Variants in PAICS observed in about 807,000 individuals in gnomAD.
PAICS encodes phosphoribosylaminoimidazole carboxylase and phosphoribosylaminoimidazolesuccinocarboxamide synthase, also known as bifunctional phosphoribosylaminoimidazole carboxylase/phosphoribosylaminoimidazole succinocarboxamide synthetase.
A neutral mutation model predicts 53.7 loss-of-function variants in PAICS; 33 were observed. The ratio of observed to expected loss-of-function variants is 0.61; its 90% CI spans 0.47 to 0.82. The LOEUF (loss-of-function observed/expected upper bound fraction) is 0.82, where lower values mean the gene tolerates loss of function less well. PAICS is among the 40% of genes least tolerant of loss of function. The pLI, the probability that PAICS is intolerant of heterozygous loss-of-function variation, is 0.00. For missense variants in PAICS, 394 were observed against 494.1 expected (o/e 0.80, Z 1.92); for synonymous variants, 141 against 167.2 (o/e 0.84, Z 1.21).
In PAICS at chr4:56,460,174, A is replaced by G. The variant is rs1200590771; in HGVS notation, c.*636A>G. ...AGTGCTAGGGTTACAGACATGAGCCACTGTGCCTGTCTAGACTTGTACTTT... is the reference window on the plus strand; with the variant it reads ...AGTGCTAGGGTTACAGACATGAGCCGCTGTGCCTGTCTAGACTTGTACTTT... On this transcript the variant is annotated 3_prime_UTR_variant, in exon 9 of 9. Coordinates refer to ENST00000512576, the MANE Select transcript of PAICS (RefSeq NM_001079524.2). 6.6e-6 allele frequency: 1 copy of G among 152,316 alleles called. No individual in the cohort carries two copies. Among genetic ancestry groups the G allele is most frequent in the African/African-American group, 2.4e-5 (1 of 41,418 alleles). The allele number at this position is 152,316 out of a possible 1,614,324, so 9.4% of individuals were successfully genotyped here. A position where few individuals can be genotyped will look rare whatever the true frequency, so the allele number is the denominator to read the frequency against.
Position 56,459,640 on chromosome 4 carries a change from C to T in PAICS, c.*102C>T, listed in dbSNP as rs1000496571. On this transcript the variant is annotated 3_prime_UTR_variant, in exon 9 of 9. Coordinates refer to ENST00000512576, the MANE Select transcript of PAICS (RefSeq NM_001079524.2). ...AAAGGTAATTTTAAATTAGAGAACACAAATAAAATGTATTAGTGAATAAAT... is the reference window on the plus strand; with the variant it reads ...AAAGGTAATTTTAAATTAGAGAACATAAATAAAATGTATTAGTGAATAAAT... The T allele has an allele frequency of 2.4e-6, 2 of 836,560 alleles. No individual in the cohort carries two copies. The highest frequency in any genetic ancestry group is 1.7e-5 in the African/African-American group (1 of 58,650). The allele number at this position is 836,560 out of a possible 1,614,324, so 51.8% of individuals were successfully genotyped here. A position where few individuals can be genotyped will look rare whatever the true frequency, so the allele number is the denominator to read the frequency against.
upstream of PAICS, chr4:56,435,392 A>G (rs1171313998): frequency 6.2e-7 from 1 of 1,613,664 alleles, no homozygotes; most frequent in Non-Finnish European, 8.5e-7. Context: ...CACATGCGGT[A>G]CATCCAGCTG....
At chr4:56,411,419 T>C in the PAICS span, among the ~76,000 whole-genome samples, 1 of 152,166 alleles carries the variant, frequency 6.6e-6, no homozygotes, top group Non-Finnish European at 1.5e-5. Flanking sequence ...ATTTTAACAA[T>C]GAAGAAGAAC....
the PAICS span, among the ~76,000 whole-genome samples, chr4:56,411,709 A>G: frequency 6.6e-6 from 1 of 152,212 alleles, no homozygotes; most frequent in Non-Finnish European, 1.5e-5. Context: ...TGGGCAAAGC[A>G]CTAAGTTATA....
At chr4:56,429,297 T>C in the PAICS span, among the ~76,000 whole-genome samples, 1 of 152,328 alleles carries the variant, frequency 6.6e-6, no homozygotes, top group Middle Eastern at 3.4e-3. Context: ...TTGGTTATCA[T>C]GGTCCTTTAA....
At chr4:56,444,346 T>C (rs929492737) in intron 2 of PAICS, among the ~76,000 whole-genome samples, 1 of 152,200 alleles carries the variant, frequency 6.6e-6, no homozygotes, top group South Asian at 2.1e-4. Context: ...AAATCTGGCC[T>C]TCTTAGTGAT....
At chr4:56,426,264 G>A in the PAICS span, among the ~76,000 whole-genome samples, 1 of 152,032 alleles carries the variant, frequency 6.6e-6, no homozygotes, top group Admixed American at 6.6e-5. Flanking sequence ...AGCTGGGCGT[G>A]GTGGCCGCGC....
the PAICS span, among the ~76,000 whole-genome samples, chr4:56,427,612 G>C: frequency 3.3e-5 from 5 of 149,880 alleles, no homozygotes; most frequent in South Asian, 1.1e-3. Context: ...GTCCACGCCA[G>C]CCTCGGCAAC....
chr4:56,439,559 T>C (rs1718232205), intron 1 of PAICS, among the ~76,000 whole-genome samples: 1 of 152,130 alleles, frequency 6.6e-6, no homozygotes, highest in Admixed American at 6.5e-5. Flanking sequence ...CCCTTCCCTC[T>C]CTTTTATCCT....
At chr4:56,423,746 T>C in the PAICS span, among the ~76,000 whole-genome samples, 13 of 152,062 alleles carry the variant, frequency 8.5e-5, no homozygotes, top group Non-Finnish European at 1.9e-4. Flanking sequence ...AAATGCATAG[T>C]CATCCTAGAG....
At chr4:56,451,271 A>G (rs888091863) in intron 6 of PAICS, 4 of 152,838 alleles carry the variant, frequency 2.6e-5, no homozygotes, top group Admixed American at 1.3e-4. Flanking sequence ...CCTACCCCGT[A>G]GGAGAAACCT....
At chr4:56,418,994 A>G in the PAICS span, among the ~76,000 whole-genome samples, 602 of 152,328 alleles carry the variant, frequency 4.0e-3, 10 homozygotes, top group Non-Finnish European at 2.9e-3. Flanking sequence ...AATTTTCGCA[A>G]GGCGTAAGCA....
chr4:56,420,661 CA>C, the PAICS span: 179 of 152,074 alleles, frequency 1.2e-3, no homozygotes, highest in African/African-American at 4.2e-3. Context: ...CCCCAGATGG[CA>C]GAAGTTAAAG....
At chr4:56,428,097 T>C in the PAICS span, among the ~76,000 whole-genome samples, 4 of 152,256 alleles carry the variant, frequency 2.6e-5, no homozygotes, top group African/African-American at 7.2e-5. Flanking sequence ...ATATACTGTT[T>C]GAATATGGAC....
intron 2 of PAICS, among the ~76,000 whole-genome samples, chr4:56,444,495 T>C (rs140470145): frequency 6.2e-4 from 95 of 152,266 alleles, no homozygotes; most frequent in African/African-American, 2.0e-3. Flanking sequence ...CACGGGGACA[T>C]ATGTATTAGC....
At chr4:56,434,349 C>G (rs1250907941), upstream of PAICS, among the ~76,000 whole-genome samples, 1 of 152,166 alleles carries the variant, frequency 6.6e-6, no homozygotes, top group African/African-American at 2.4e-5. Context: ...TTTGCTGTTA[C>G]GTGTTATTGC....
the PAICS span, among the ~76,000 whole-genome samples, chr4:56,429,647 T>TAA: frequency 3.9e-5 from 6 of 152,212 alleles, no homozygotes; most frequent in Admixed American, 2.6e-4. Flanking sequence ...TAATGCCTTA[T>TAA]AGATTTATAA....
At chr4:56,430,199 G>A in the PAICS span, among the ~76,000 whole-genome samples, 7 of 152,132 alleles carry the variant, frequency 4.6e-5, no homozygotes, top group African/African-American at 7.2e-5. Context: ...TTGAAAAATT[G>A]CATGTCTCTC....
chr4:56,426,809 C>T, the PAICS span, among the ~76,000 whole-genome samples: 4 of 152,266 alleles, frequency 2.6e-5, no homozygotes, highest in South Asian at 2.1e-4. Flanking sequence ...AGTACGTTCA[C>T]GTTGTTGTGC....
Sources: allele counts gnomAD v4.1 joint callset (sites outside exome capture counted in the v4.1 genomes callset), GRCh38; gene constraint gnomAD v4.1.1; transcripts MANE v1.5; gene names NCBI Gene and HGNC (gene_info 2026-07-23, HGNC 2026-07-21).